The following MYRIP variants were observed in gnomAD, a reference collection of about 807,000 sequenced individuals.
MYRIP encodes the protein myosin VIIA and Rab interacting protein.
In MYRIP, 49 loss-of-function variants were observed where a neutral mutation model predicts 98.0. The ratio of observed to expected loss-of-function variants is 0.50; its 90% CI spans 0.40 to 0.63. The LOEUF (loss-of-function observed/expected upper bound fraction) is 0.63, where lower values mean the gene tolerates loss of function less well. MYRIP is among the 30% of genes least tolerant of loss of function. The pLI, the probability that MYRIP is intolerant of heterozygous loss-of-function variation, is 0.00. For missense variants in MYRIP, 1,004 were observed against 1,058.2 expected (o/e 0.95, Z 0.71); for synonymous variants, 404 against 409.5 (o/e 0.99, Z 0.16).
chr3:40,233,986 A>T lies in MYRIP; in HGVS notation c.2033A>T (p.Lys678Met), dbSNP rs1440329227. ...CCACAAGTCCCTCCTGACAGACAGA[A>T]GGGGATGTTTCCTCGTGGGACAGAC... ...ESPQVPPDRQKGMFPRGTDQV... is the reference protein window; with the variant it reads ...ESPQVPPDRQMGMFPRGTDQV... The change falls in exon 12 of 17, where the codon AAG becomes ATG. Residue 678 changes from lysine (K) to methionine (M), a missense_variant. Physicochemically the swap from Lys to Met is moderately conservative, Grantham distance 95. Transcript: ENST00000302541. 6.2e-7 allele frequency: 1 copy of T among 1,613,510 alleles called. No homozygotes were observed. Among genetic ancestry groups the T allele is most frequent in the Non-Finnish European group, 8.5e-7 (1 of 1,179,800 alleles).
intron 1 of MYRIP, among the ~76,000 whole-genome samples, chr3:39,888,016 A>G (rs1448550351): frequency 6.6e-6 from 1 of 151,160 alleles, no homozygotes; most frequent in African/African-American, 2.5e-5. Context: ...CCACTGCTCA[A>G]GGAAATAAAA....
chr3:39,942,292 A>G (rs760569781), intron 2 of MYRIP, among the ~76,000 whole-genome samples: 1 of 152,080 alleles, frequency 6.6e-6, no homozygotes, highest in Non-Finnish European at 1.5e-5. Flanking sequence ...AAGACCAATA[A>G]CCATCTAAGA....
At chr3:40,023,149 G>C (rs935284599) in intron 2 of MYRIP, among the ~76,000 whole-genome samples, 1 of 152,194 alleles carries the variant, frequency 6.6e-6, no homozygotes, top group African/African-American at 2.4e-5. Flanking sequence ...AGAAAGCCAG[G>C]TGGCTTTGAG....
intron 2 of MYRIP, among the ~76,000 whole-genome samples, chr3:39,999,072 A>G (rs1374563107): frequency 6.6e-6 from 1 of 152,178 alleles, no homozygotes; most frequent in East Asian, 1.9e-4. Flanking sequence ...AACCATAAAA[A>G]CCCTAGAAGA....
chr3:39,819,236 T>A (rs1941027946), intron 1 of MYRIP, among the ~76,000 whole-genome samples: 1 of 151,944 alleles, frequency 6.6e-6, no homozygotes, highest in Admixed American at 6.6e-5. Context: ...TAGTCCCAGC[T>A]ACTTAGGAGC....
chr3:39,954,196 C>T lies in MYRIP; in HGVS notation c.110+53270C>T, dbSNP rs562423435. ...CAGCATGGAGTTTGAGATCTGAGAACGGATAGACTGCCTCCTCAAGTGGGT... is the reference window on the plus strand; with the variant it reads ...CAGCATGGAGTTTGAGATCTGAGAATGGATAGACTGCCTCCTCAAGTGGGT... On this transcript the variant is annotated intron_variant, in intron 2 of 16. Transcript: ENST00000302541. Among the ~76,000 whole-genome samples, 57 of 152,256 alleles carry T rather than the reference C, an allele frequency of 3.7e-4. 1 individual carries two copies. Among genetic ancestry groups the T allele is most frequent in the African/African-American group, 1.3e-3 (53 of 41,558 alleles).
intron 3 of MYRIP, among the ~76,000 whole-genome samples, chr3:40,144,058 A>G (rs139866171): frequency 5.3e-5 from 8 of 152,352 alleles, no homozygotes; most frequent in Middle Eastern, 3.4e-3. Flanking sequence ...GTCTGTCTAG[A>G]ACTTAGAACA....
At chr3:40,119,756 G>C (rs1045989189) in intron 3 of MYRIP, among the ~76,000 whole-genome samples, 1 of 152,002 alleles carries the variant, frequency 6.6e-6, no homozygotes, top group Non-Finnish European at 1.5e-5. Context: ...CATCACACTG[G>C]GGACTGTTGT....
chr3:40,182,315 C>A lies in MYRIP; in HGVS notation c.969C>A (p.His323Gln), dbSNP rs140013771. The change falls in exon 9 of 17, where the codon CAC becomes CAA. Residue 323 changes from histidine (H) to glutamine (Q), a missense_variant. Coordinates refer to ENST00000302541, the MANE Select transcript of MYRIP (RefSeq NM_015460.4). ...PSRQPRDQGQ[H>Q]PRAESALPSW... ...GGCAGCCAAGGGACCAAGGCCAACACCCGAGAGCAGAGTCTGCTCTGCCCA... is the reference window on the plus strand; with the variant it reads ...GGCAGCCAAGGGACCAAGGCCAACAACCGAGAGCAGAGTCTGCTCTGCCCA... 566 of 1,614,012 alleles carry A rather than the reference C, an allele frequency of 3.5e-4. 1 individual carries two copies. Among genetic ancestry groups the A allele is most frequent in the Admixed American group, 1.1e-3 (65 of 60,006 alleles).
intron 2 of MYRIP, among the ~76,000 whole-genome samples, chr3:39,952,962 T>A (rs902970592): frequency 2.0e-5 from 3 of 152,158 alleles, no homozygotes; most frequent in Non-Finnish European, 4.4e-5. Context: ...CAAATCTCCT[T>A]GTTAAATTTC....
intron 8 of MYRIP, among the ~76,000 whole-genome samples, chr3:40,179,087 C>T (rs1460539319): frequency 5.9e-5 from 9 of 152,226 alleles, no homozygotes; most frequent in Non-Finnish European, 1.2e-4. Context: ...GTATAATAAA[C>T]AAATAAATTA....
At chr3:40,208,696 G>A (rs538828671) in intron 10 of MYRIP, among the ~76,000 whole-genome samples, 3 of 152,268 alleles carry the variant, frequency 2.0e-5, no homozygotes, top group African/African-American at 4.8e-5. Context: ...CTGGTTGACT[G>A]TTAACTTTGA....
chr3:39,842,552 G>A (rs1941834694), intron 1 of MYRIP, among the ~76,000 whole-genome samples: 1 of 152,172 alleles, frequency 6.6e-6, no homozygotes, highest in African/African-American at 2.4e-5. Flanking sequence ...TCAAAGGGCT[G>A]CCCAACTTTG....
intron 1 of MYRIP, among the ~76,000 whole-genome samples, chr3:39,863,146 C>T (rs911899042): frequency 3.3e-5 from 5 of 151,936 alleles, no homozygotes; most frequent in African/African-American, 1.2e-4. Context: ...ATCATAGGGA[C>T]ACAGCTAAAG....
At chr3:39,820,223 C>T (rs1941063505) in intron 1 of MYRIP, among the ~76,000 whole-genome samples, 1 of 152,188 alleles carries the variant, frequency 6.6e-6, no homozygotes, top group Admixed American at 6.5e-5. Flanking sequence ...CCTGGTGGCT[C>T]AGATAACAGT....
chr3:40,110,922 G>A (rs1435878640), intron 3 of MYRIP, among the ~76,000 whole-genome samples: 4 of 107,484 alleles, frequency 3.7e-5, no homozygotes, highest in Non-Finnish European at 8.0e-5. Flanking sequence ...GTGTGTGTGT[G>A]TGTGTAGCGT....
intron 2 of MYRIP, among the ~76,000 whole-genome samples, chr3:40,039,611 T>C (rs1315330971): frequency 6.6e-6 from 1 of 152,058 alleles, no homozygotes; most frequent in African/African-American, 2.4e-5. Context: ...AGAACATATA[T>C]TGACCACCAG....
intron 2 of MYRIP, among the ~76,000 whole-genome samples, chr3:40,004,521 T>G (rs1436728926): frequency 6.6e-6 from 1 of 152,162 alleles, no homozygotes; most frequent in African/African-American, 2.4e-5. Context: ...ACAGGTGGTG[T>G]TTGGTTACAT....
chr3:39,934,055 G>A (rs1944602049), intron 2 of MYRIP, among the ~76,000 whole-genome samples: 1 of 152,170 alleles, frequency 6.6e-6, no homozygotes, highest in East Asian at 1.9e-4. Flanking sequence ...TCAGCAATGT[G>A]TGCTTGAGTG....
Sources: allele counts gnomAD v4.1 joint callset (sites outside exome capture counted in the v4.1 genomes callset), GRCh38; gene constraint gnomAD v4.1.1; transcripts MANE v1.5; gene names NCBI Gene and HGNC (gene_info 2026-07-23, HGNC 2026-07-21).